Variants in ERICH1 observed in about 807,000 individuals in gnomAD.
The protein encoded by ERICH1 is glutamate-rich protein 1.
Under a neutral mutation model 39.6 loss-of-function variants are expected in ERICH1, and 56 were observed. The ratio of observed to expected loss-of-function variants is 1.41; its 90% CI spans 1.14 to 1.77. The LOEUF (loss-of-function observed/expected upper bound fraction) is 1.77, where lower values mean the gene tolerates loss of function less well. ERICH1 is among the 40% of genes most tolerant of loss of function. ERICH1 has a pLI of 0.00. For missense variants in ERICH1, 826 were observed against 575.4 expected (o/e 1.44, Z -4.45); for synonymous variants, 313 against 223.6 (o/e 1.40, Z -3.57).
At chr8:660,944 C>T (rs548199810), downstream of ERICH1, among the ~76,000 whole-genome samples, 7 of 152,272 alleles carry the variant, frequency 4.6e-5, no homozygotes, top group Admixed American at 3.9e-4. Context: ...AGGCTAGCTC[C>T]GGGTTCCTGG....
At chr8:713,808 T>G (rs1815311332) in intron 2 of ERICH1, among the ~76,000 whole-genome samples, 1 of 152,130 alleles carries the variant, frequency 6.6e-6, no homozygotes, top group Non-Finnish European at 1.5e-5. Context: ...CACAAATGCG[T>G]GGAGAACAAA....
chr8:647,976 A>G lies in ERICH1; in HGVS notation c.976+20622T>C, dbSNP rs1376965214. Among the ~76,000 whole-genome samples the G allele has an allele frequency of 5.9e-5, 4 of 67,864 alleles. 2 individuals carry two copies. The highest frequency in any genetic ancestry group is 9.1e-5 in the Non-Finnish European group (2 of 22,050). 44.5% of individuals were successfully genotyped at this position (67,864 alleles called of 152,430 possible). A position where few individuals can be genotyped will look rare whatever the true frequency, so the allele number is the denominator to read the frequency against. ...CAGTTACTGAAAGGAGGAGGGCGGA[A>G]TGGACATGAGGACAACTCGTTTCTG... On this transcript the variant is annotated intron_variant, in intron 3 of 3. Transcript: ENST00000522706.
chr8:697,015 A>G (rs981864751), intron 2 of ERICH1, among the ~76,000 whole-genome samples: 1 of 151,870 alleles, frequency 6.6e-6, no homozygotes, highest in Non-Finnish European at 1.5e-5. Context: ...TTCCTTTTGG[A>G]GCCCTCGGTG....
intron 1 of ERICH1, among the ~76,000 whole-genome samples, chr8:718,436 T>A (rs1024564489): frequency 6.6e-6 from 1 of 152,194 alleles, no homozygotes; most frequent in Non-Finnish European, 1.5e-5. Context: ...TAAATTACAT[T>A]TATAGCCTAA....
intron 3 of ERICH1, among the ~76,000 whole-genome samples, chr8:688,542 C>G (rs1421771322): frequency 6.6e-6 from 1 of 152,022 alleles, no homozygotes; most frequent in African/African-American, 2.4e-5. Flanking sequence ...CCTGAGCACA[C>G]CGCCCAACAC....
chr8:697,338 GA>G (rs1284849048), intron 2 of ERICH1, among the ~76,000 whole-genome samples: 1 of 152,154 alleles, frequency 6.6e-6, no homozygotes, highest in Non-Finnish European at 1.5e-5. Context: ...AACAGCGATG[GA>G]GAAGCCGGTG....
intron 3 of ERICH1, among the ~76,000 whole-genome samples, chr8:642,947 T>G (rs1267746918): frequency 6.6e-6 from 1 of 151,952 alleles, no homozygotes; most frequent in Non-Finnish European, 1.5e-5. Flanking sequence ...CCTGACTGAG[T>G]GTGCAGGTGG....
intron 1 of ERICH1, chr8:725,271 C>T: frequency 6.1e-6 from 1 of 164,604 alleles, no homozygotes; most frequent in South Asian, 1.2e-4. Context: ...GGTCCCCTAC[C>T]TCCGTGTCTA....
At chr8:650,331 C>G (rs529397865) in intron 3 of ERICH1, among the ~76,000 whole-genome samples, 1 of 152,246 alleles carries the variant, frequency 6.6e-6, no homozygotes, top group Non-Finnish European at 1.5e-5. Flanking sequence ...GTGACACGGT[C>G]TCAGGAGAGG....
intron 2 of ERICH1, among the ~76,000 whole-genome samples, chr8:703,614 C>G (rs970933574): frequency 6.6e-6 from 1 of 152,192 alleles, no homozygotes; most frequent in Non-Finnish European, 1.5e-5. Context: ...GGAGGGAGAG[C>G]CTGTCCATAG....
At chr8:730,085 G>A (rs1303505050) in intron 1 of ERICH1, among the ~76,000 whole-genome samples, 1 of 152,098 alleles carries the variant, frequency 6.6e-6, no homozygotes, top group Non-Finnish European at 1.5e-5. Context: ...TCCAGGAGAG[G>A]GTCATGAACA....
rs988559435 is a variant in ERICH1 at position 692,511 on chromosome 8, G to A, written c.271C>T (p.Pro91Ser). The change falls in exon 3 of 6, where the codon CCC becomes TCC. Residue 91 changes from proline to serine, a missense_variant. Physicochemically the swap from Pro to Ser is moderately conservative, Grantham distance 74 (BLOSUM62 -1). Coordinates refer to ENST00000262109, the MANE Select transcript of ERICH1 (RefSeq NM_207332.3). ...TCATCCCCGCTGGAGGCGTTCTCGG[G>A]GCTCCCACAGCTGCTGGGCTCCGGC... Reference protein sequence around the residue: ...CWPEPSSCGSPENASSGDDTE... With the variant: ...CWPEPSSCGSSENASSGDDTE... 1.2e-6 allele frequency: 2 copies of A among 1,613,936 alleles called. No homozygotes were observed.
At chr8:631,345 C>G (rs1798026445) in intron 3 of ERICH1, among the ~76,000 whole-genome samples, 1 of 152,220 alleles carries the variant, frequency 6.6e-6, no homozygotes, top group African/African-American at 2.4e-5. Flanking sequence ...GGTGGTGAAG[C>G]TGACTCAGCT....
At chr8:650,408 C>T (rs1799797357) in intron 3 of ERICH1, among the ~76,000 whole-genome samples, 2 of 152,254 alleles carry the variant, frequency 1.3e-5, no homozygotes, top group African/African-American at 2.4e-5. Flanking sequence ...GGATGCCACC[C>T]ACTGAAAGGG....
At chr8:717,127 C>T (rs148529637) in intron 1 of ERICH1, among the ~76,000 whole-genome samples, 6 of 152,250 alleles carry the variant, frequency 3.9e-5, no homozygotes, top group Middle Eastern at 3.4e-3. Context: ...TCTCCACCTC[C>T]GCGGCTCCCA....
chr8:624,274 C>T (rs1456617243), intron 3 of ERICH1, among the ~76,000 whole-genome samples: 1 of 151,972 alleles, frequency 6.6e-6, no homozygotes. Flanking sequence ...GATATCGGAA[C>T]CACTGAGATG....
intron 2 of ERICH1, among the ~76,000 whole-genome samples, chr8:699,063 C>A (rs1271416410): frequency 1.3e-5 from 2 of 151,938 alleles, no homozygotes; most frequent in African/African-American, 4.8e-5. Context: ...CAGGACCATG[C>A]CTGAAAAGAG....
At chr8:670,346 G>C (rs1391547478) in intron 4 of ERICH1, among the ~76,000 whole-genome samples, 1 of 152,028 alleles carries the variant, frequency 6.6e-6, no homozygotes, top group Non-Finnish European at 1.5e-5. Flanking sequence ...TTTTCTCGTG[G>C]TTTTCGGTGC....
chr8:692,459 C>T lies in ERICH1; in HGVS notation c.304+19G>A, dbSNP rs1391181577. On this transcript the variant is annotated intron_variant, in intron 3 of 5. Coordinates refer to ENST00000262109, the MANE Select transcript of ERICH1 (RefSeq NM_207332.3). ...TTATCTGCAAAGATGTCTACCTTTCCTCCCACCCAGCATTTTACCTTCTGT... is the reference window on the plus strand; with the variant it reads ...TTATCTGCAAAGATGTCTACCTTTCTTCCCACCCAGCATTTTACCTTCTGT... 1.9e-6 allele frequency: 3 copies of T among 1,613,800 alleles called. No individual in the cohort carries two copies. Among genetic ancestry groups the T allele is most frequent in the Non-Finnish European group, 2.5e-6 (3 of 1,179,924 alleles).
Sources: allele counts gnomAD v4.1 joint callset (sites outside exome capture counted in the v4.1 genomes callset), GRCh38; gene constraint gnomAD v4.1.1; transcripts MANE v1.5; gene names NCBI Gene and HGNC (gene_info 2026-07-23, HGNC 2026-07-21).